Variants in DAB2IP observed in about 807,000 individuals in gnomAD.
DAB2IP encodes DAB2 interacting protein, also known as disabled homolog 2-interacting protein.
Under a neutral mutation model 107.2 loss-of-function variants are expected in DAB2IP, and 28 were observed. The ratio of observed to expected loss-of-function variants is 0.26; its 90% CI spans 0.19 to 0.36. The LOEUF is 0.36. Ranked by LOEUF, DAB2IP falls within the 10% of genes least tolerant of loss-of-function variation. DAB2IP has a pLI of 1.00. For synonymous variants in DAB2IP, 755 were observed against 706.4 expected, an observed-to-expected ratio of 1.07 and a Z score of -1.09; for missense variants, 1,400 against 1,644.7, an observed-to-expected ratio of 0.85 and a Z score of 2.57.
intron 1 of DAB2IP, among the ~76,000 whole-genome samples, chr9:121,631,675 G>A (rs938661706): frequency 2.6e-5 from 4 of 152,054 alleles, no homozygotes; most frequent in African/African-American, 9.7e-5. Context: ...AATTAGCTGG[G>A]CGTGGTGGCA....
intron 1 of DAB2IP, among the ~76,000 whole-genome samples, chr9:121,656,770 G>A (rs1390237500): frequency 2.0e-5 from 3 of 152,216 alleles, no homozygotes; most frequent in Non-Finnish European, 2.9e-5. Context: ...GATGGATACT[G>A]ATACTATCCT....
intron 1 of DAB2IP, among the ~76,000 whole-genome samples, chr9:121,608,954 G>GT (rs1207761527): frequency 2.0e-5 from 3 of 151,810 alleles, no homozygotes; most frequent in African/African-American, 7.3e-5. Context: ...TTGTTTGTTT[G>GT]TTTTTGAGAC....
intron 2 of DAB2IP, among the ~76,000 whole-genome samples, chr9:121,690,155 G>GCCC (rs1199096253): frequency 6.6e-6 from 1 of 152,192 alleles, no homozygotes; most frequent in African/African-American, 2.4e-5. Flanking sequence ...TGTTGGAAGA[G>GCCC]CCCTCATTAG....
intron 1 of DAB2IP, among the ~76,000 whole-genome samples, chr9:121,579,010 G>A (rs753000318): frequency 1.3e-5 from 2 of 151,994 alleles, no homozygotes; most frequent in African/African-American, 2.4e-5. Flanking sequence ...GCTTTCTCTT[G>A]GGGCACCATC....
At chr9:121,611,878 C>CCCAG (rs1465268035) in intron 1 of DAB2IP, among the ~76,000 whole-genome samples, 1 of 152,202 alleles carries the variant, frequency 6.6e-6, no homozygotes, top group Non-Finnish European at 1.5e-5. Context: ...AGCCACTGTG[C>CCCAG]CCAGCCTAGA....
chr9:121,755,601 C>T (rs1443440793), intron 3 of DAB2IP, among the ~76,000 whole-genome samples: 2 of 152,088 alleles, frequency 1.3e-5, no homozygotes, highest in Non-Finnish European at 2.9e-5. Flanking sequence ...CATGGGACTC[C>T]ATGTTGGGGA....
intron 6 of DAB2IP, among the ~76,000 whole-genome samples, chr9:121,762,539 G>C (rs1333670670): frequency 6.6e-6 from 1 of 152,186 alleles, no homozygotes; most frequent in Non-Finnish European, 1.5e-5. Context: ...TGCACCCTGG[G>C]TTCCTGTGTC....
intron 3 of DAB2IP, among the ~76,000 whole-genome samples, chr9:121,720,266 G>A (rs1830846516): frequency 6.6e-6 from 1 of 152,182 alleles, no homozygotes; most frequent in Non-Finnish European, 1.5e-5. Context: ...CAGATCTCCT[G>A]TGGACCGGGC....
chr9:121,599,598 C>T lies in DAB2IP; in HGVS notation c.40+32370C>T, dbSNP rs868121978. 2.2e-4 allele frequency among the ~76,000 whole-genome samples: 33 copies of T among 152,126 alleles called. No individual in the cohort carries two copies. The highest frequency in any genetic ancestry group is 5.8e-4 in the African/African-American group (24 of 41,536). On this transcript the variant is annotated intron_variant, in intron 1 of 16. Coordinates refer to the DAB2IP transcript ENST00000259371. The surrounding 1 kb of genome is among the most constrained non-coding windows in gnomAD (Gnocchi z 6.9). ...CGTAGCGCGCTCCTGCCTGGCCAGC[C>T]GCCTACTCCGCCCGCCCCGCTCCAC...
At chr9:121,724,652 T>G (rs1356027915) in intron 3 of DAB2IP, among the ~76,000 whole-genome samples, 2 of 152,220 alleles carry the variant, frequency 1.3e-5, no homozygotes, top group Admixed American at 6.5e-5. Context: ...AACATTTAAT[T>G]GTACCCCATA....
chr9:121,777,454 T>G (rs1262801109), intron 14 of DAB2IP, among the ~76,000 whole-genome samples: 1 of 152,258 alleles, frequency 6.6e-6, no homozygotes, highest in African/African-American at 2.4e-5. Flanking sequence ...TGCTCTTGGC[T>G]CACCTTGTGT....
At chr9:121,723,648 G>A (rs1362313743) in intron 3 of DAB2IP, among the ~76,000 whole-genome samples, 1 of 152,230 alleles carries the variant, frequency 6.6e-6, no homozygotes, top group East Asian at 1.9e-4. Flanking sequence ...GGATGGGAAA[G>A]AACTGACATC....
chr9:121,641,979 T>TC (rs1491370614), intron 1 of DAB2IP, among the ~76,000 whole-genome samples: 11,909 of 128,776 alleles, frequency 0.092, 1,702 homozygotes, highest in African/African-American at 0.25. Context: ...TCTCTTTCTT[T>TC]CTTTCTTTCT....
In DAB2IP at chr9:121,760,127, G is replaced by A. The variant is rs1833786481; in HGVS notation, c.858G>A (p.Glu286=). Residue 286 remains glutamate, a synonymous_variant, in exon 6 of 16, where the codon GAG becomes GAA. Transcript: ENST00000408936. The surrounding 1 kb of genome is among the most constrained non-coding windows in gnomAD (Gnocchi z 5.9). Reference sequence around the variant, plus strand: ...AGACCGACAAGAAGAAGAAGAAGGAGCGCAACAGTTACCTGGGCCTGGTGA... The same window carrying A: ...AGACCGACAAGAAGAAGAAGAAGGAACGCAACAGTTACCTGGGCCTGGTGA... The A allele has an allele frequency of 6.2e-7, 1 of 1,613,824 alleles. No individual in the cohort carries two copies. The highest frequency in any genetic ancestry group is 8.5e-7 in the Non-Finnish European group (1 of 1,180,036).
chr9:121,772,323 T>C lies in DAB2IP; in HGVS notation c.2079-284T>C, dbSNP rs1270358068. ...GAGCAAGCCAGGCCCCAGTACCCAT[T>C]GTCCCAAGATGCAGCTGAACAGGGA... On this transcript the variant is annotated intron_variant, in intron 11 of 15. Transcript: ENST00000408936. This position sits in a 1 kb window ranked among gnomAD's most constrained non-coding sequence, Gnocchi z 4.7. 6.6e-6 allele frequency among the ~76,000 whole-genome samples: 1 copy of C among 152,122 alleles called. No homozygotes were observed. Among genetic ancestry groups the C allele is most frequent in the Admixed American group, 6.5e-5 (1 of 15,288 alleles).
At chr9:121,609,324 G>A (rs1403537402) in intron 1 of DAB2IP, among the ~76,000 whole-genome samples, 5 of 152,190 alleles carry the variant, frequency 3.3e-5, no homozygotes, top group African/African-American at 1.2e-4. Context: ...TGACAGGGAG[G>A]AGGTAGTGGC....
chr9:121,685,916 G>T (rs1042467838), intron 2 of DAB2IP, among the ~76,000 whole-genome samples: 2 of 152,238 alleles, frequency 1.3e-5, no homozygotes, highest in African/African-American at 4.8e-5. Flanking sequence ...TGAGGAAGTG[G>T]CTGGAATGGA....
At chr9:121,761,785 C>A (rs1481294225) in intron 6 of DAB2IP, among the ~76,000 whole-genome samples, 2 of 152,180 alleles carry the variant, frequency 1.3e-5, no homozygotes, top group South Asian at 2.1e-4. Context: ...CTGGTCAACA[C>A]TGGGGACGTA....
At chr9:121,669,327 C>G (rs1040243498) in intron 1 of DAB2IP, among the ~76,000 whole-genome samples, 1 of 152,140 alleles carries the variant, frequency 6.6e-6, no homozygotes, top group African/African-American at 2.4e-5. Context: ...CTGATGGTTG[C>G]ATCTTACATA....
Sources: gnomAD v4.1 joint callset for allele counts (sites outside exome capture counted in the v4.1 genomes callset) on GRCh38, gnomAD v4.1.1 for gene constraint, Gnocchi (gnomAD v3.1) non-coding constraint, MANE v1.5 for transcripts, NCBI Gene and HGNC (gene_info 2026-07-23, HGNC 2026-07-21) for gene names.